The following PDZK1 variants were observed in gnomAD, a reference collection of about 807,000 sequenced individuals.
The protein encoded by PDZK1 is Na(+)/H(+) exchange regulatory cofactor NHE-RF3.
A neutral mutation model predicts 38.1 loss-of-function variants in PDZK1; 23 were observed. The ratio of observed to expected loss-of-function variants is 0.60; its 90% CI spans 0.43 to 0.85. The LOEUF (loss-of-function observed/expected upper bound fraction) is 0.85, where lower values mean the gene tolerates loss of function less well. PDZK1 is among the 40% of genes least tolerant of loss of function. The pLI, the probability that PDZK1 is intolerant of heterozygous loss-of-function variation, is 0.00. For synonymous variants in PDZK1, 98 were observed against 186.2 expected (o/e 0.53, Z 3.86); for missense variants, 297 against 504.3 (o/e 0.59, Z 3.94).
Position 145,687,945 on chromosome 1 carries a change from A to G in PDZK1, c.77T>C (p.Ile26Thr), listed in dbSNP as rs1654937072. ...CAGGTGGCCCTCGGTGTCCTTCTCA[A>G]TTCGCAGGAAGAAGCCATAGTTTTG... is the stretch of plus-strand genomic sequence containing the variant. ...EGQNYGFFLR[I>T]EKDTEGHLVR... Residue 26 changes from isoleucine (I) to threonine (T), a missense_variant, in exon 2 of 9, where the codon ATT becomes ACT. This residue lies in a region of PDZK1 where 159 missense variants were observed against 200.0 expected (regional missense o/e 0.79). Coordinates refer to ENST00000417171, the MANE Select transcript of PDZK1 (RefSeq NM_001201325.2). 6.2e-7 allele frequency: 1 copy of G among 1,611,862 alleles called. No homozygotes were observed. The highest frequency in any genetic ancestry group is 8.5e-7 in the Non-Finnish European group (1 of 1,179,494).
At chr1:145,681,535 G>A (rs1387695895) in intron 4 of PDZK1, among the ~76,000 whole-genome samples, 18 of 147,572 alleles carry the variant, frequency 1.2e-4, no homozygotes, top group African/African-American at 3.6e-4. Context: ...TGATCCACCC[G>A]CCTCGGCCTC....
chr1:145,694,231 TG>T (rs1655483124), intron 1 of PDZK1, among the ~76,000 whole-genome samples: 1 of 152,162 alleles, frequency 6.6e-6, no homozygotes, highest in Non-Finnish European at 1.5e-5. Context: ...TCCAAACCTA[TG>T]GGCAGAATCC....
At chr1:145,699,917 C>T (rs1273509938) in intron 1 of PDZK1, among the ~76,000 whole-genome samples, 2 of 152,086 alleles carry the variant, frequency 1.3e-5, no homozygotes, top group African/African-American at 4.8e-5. Context: ...ATGTGGATGC[C>T]GTGAAGATGG....
intron 1 of PDZK1, among the ~76,000 whole-genome samples, chr1:145,699,291 G>A (rs1474788225): frequency 6.6e-6 from 1 of 151,928 alleles, no homozygotes; most frequent in Non-Finnish European, 1.5e-5. Context: ...GGTTGTGCGT[G>A]CCTGTAATCC....
chr1:145,673,431 C>CTGTT (rs1293167123), intron 7 of PDZK1, among the ~76,000 whole-genome samples: 1 of 149,668 alleles, frequency 6.7e-6, no homozygotes, highest in Non-Finnish European at 1.5e-5. Context: ...TCAACTCACA[C>CTGTT]TGTTTGGAAC....
chr1:145,703,522 G>A (rs1263736396), intron 1 of PDZK1, among the ~76,000 whole-genome samples: 2 of 152,054 alleles, frequency 1.3e-5, no homozygotes, highest in Non-Finnish European at 2.9e-5. Context: ...CTGACTATTT[G>A]GATAAGCAGA....
intron 1 of PDZK1, among the ~76,000 whole-genome samples, chr1:145,692,958 C>A (rs1553703576): frequency 6.6e-6 from 1 of 151,922 alleles, no homozygotes; most frequent in Non-Finnish European, 1.5e-5. Flanking sequence ...TTGCAGTAAG[C>A]CAAGATTGCG....
intron 1 of PDZK1, among the ~76,000 whole-genome samples, chr1:145,698,620 C>T (rs1655771195): frequency 6.6e-6 from 1 of 152,062 alleles, no homozygotes; most frequent in Non-Finnish European, 1.5e-5. Context: ...TAAGTTGGGG[C>T]TAACATATTT....
intron 3 of PDZK1, among the ~76,000 whole-genome samples, chr1:145,683,335 C>T (rs1205735264): frequency 6.6e-6 from 1 of 152,214 alleles, no homozygotes; most frequent in Non-Finnish European, 1.5e-5. Flanking sequence ...CCCCTTGAAC[C>T]AGAAAGCGCT....
At chr1:145,677,900 G>A (rs1571583558) in intron 6 of PDZK1, among the ~76,000 whole-genome samples, 2 of 89,490 alleles carry the variant, frequency 2.2e-5, no homozygotes, top group South Asian at 8.2e-4. Context: ...CTCAGTTCTT[G>A]TGTTAAAAGT....
At chr1:145,687,091 G>A (rs1654842638) in intron 2 of PDZK1, among the ~76,000 whole-genome samples, 1 of 152,088 alleles carries the variant, frequency 6.6e-6, no homozygotes, top group Non-Finnish European at 1.5e-5. Context: ...GCAGAATAAG[G>A]TAAGGCCAGA....
chr1:145,672,593 A>C, intron 8 of PDZK1, 137 bp downstream of exon 8: 1 of 1,096,140 alleles, frequency 9.1e-7, no homozygotes, highest in East Asian at 2.6e-5. Context: ...CAATAACTTG[A>C]TTTGTTAGTT....
At chr1:145,683,183 G>A (rs587619024) in intron 3 of PDZK1, among the ~76,000 whole-genome samples, 57 of 152,268 alleles carry the variant, frequency 3.7e-4, no homozygotes, top group South Asian at 1.7e-3. Context: ...GAGCTAACTC[G>A]GCCTTTGGCT....
intron 4 of PDZK1, among the ~76,000 whole-genome samples, chr1:145,682,080 C>T: frequency 9.1e-6 from 1 of 110,318 alleles, no homozygotes; most frequent in African/African-American, 4.1e-5. Flanking sequence ...CGGTGGTGCA[C>T]ACCTGTAGTC....
intron 1 of PDZK1, among the ~76,000 whole-genome samples, chr1:145,705,048 C>T (rs1404175755): frequency 1.3e-5 from 2 of 152,122 alleles, no homozygotes; most frequent in Admixed American, 6.6e-5. Flanking sequence ...AAGATCCCTG[C>T]AGTCTTGAAG....
At chr1:145,685,934 T>G (rs1654717152) in intron 3 of PDZK1, among the ~76,000 whole-genome samples, 1 of 152,132 alleles carries the variant, frequency 6.6e-6, no homozygotes, top group Non-Finnish European at 1.5e-5. Context: ...GAGGGTACTA[T>G]CAAAATGTTA....
chr1:145,706,674 C>A (rs997872260), intron 1 of PDZK1, among the ~76,000 whole-genome samples: 3 of 152,098 alleles, frequency 2.0e-5, no homozygotes, highest in Non-Finnish European at 2.9e-5. Flanking sequence ...CTGCACTGAT[C>A]AGAATGATTC....
chr1:145,698,413 C>T (rs72704275), intron 1 of PDZK1, among the ~76,000 whole-genome samples: 11,221 of 152,158 alleles, frequency 0.074, 621 homozygotes, highest in Non-Finnish European at 0.1. Flanking sequence ...CCCGAGCTGG[C>T]GGTGAACTAA....
intron 1 of PDZK1, among the ~76,000 whole-genome samples, chr1:145,699,242 T>A (rs968953816): frequency 6.7e-6 from 1 of 150,222 alleles, no homozygotes; most frequent in Non-Finnish European, 1.5e-5. Context: ...ATCTCAAATT[T>A]AAAAAAAAAT....
Sources: gnomAD v4.1 joint callset for allele counts (sites outside exome capture counted in the v4.1 genomes callset) on GRCh38, gnomAD v4.1.1 for gene constraint, gnomAD v4.1.1 regional missense constraint, MANE v1.5 for transcripts, NCBI Gene and HGNC (gene_info 2026-07-23, HGNC 2026-07-21) for gene names.